ROR1: variants seen among roughly 807,000 people sequenced by gnomAD.
The protein encoded by ROR1 is inactive tyrosine-protein kinase transmembrane receptor ROR1.
In ROR1, 19 loss-of-function variants were observed where a neutral mutation model predicts 78.8. The observed-to-expected ratio is 0.24, with a 90% confidence interval of 0.17 to 0.35. The LOEUF (loss-of-function observed/expected upper bound fraction) is 0.35, where lower values mean the gene tolerates loss of function less well. Among genes scored for constraint, ROR1 ranks in the 10% least tolerant of loss-of-function variants. The pLI is 1.00. For synonymous variants in ROR1, 386 were observed against 433.6 expected, an observed-to-expected ratio of 0.89 and a Z score of 1.36; for missense variants, 917 against 1,177.8, an observed-to-expected ratio of 0.78 and a Z score of 3.24.
chr1:63,873,316 A>G (rs527842845), intron 1 of ROR1, among the ~76,000 whole-genome samples: 67 of 152,306 alleles, frequency 4.4e-4, no homozygotes, highest in African/African-American at 1.6e-3. Context: ...TAAACTATAG[A>G]GTAAGAATTT....
rs538283467 is a variant in ROR1, at chr1:64,172,914, A to G, written c.1387-4514A>G. ...AACAAGTTTAGCCTAAAGGGTTTGTATAATGTAAACCATCTGTTCCTCAAC... is the reference window on the plus strand; with the variant it reads ...AACAAGTTTAGCCTAAAGGGTTTGTGTAATGTAAACCATCTGTTCCTCAAC... On this transcript the variant is annotated intron_variant, in intron 8 of 8. Coordinates refer to ENST00000371079, the MANE Select transcript of ROR1 (RefSeq NM_005012.4). 7.0e-3 allele frequency among the ~76,000 whole-genome samples: 1,061 copies of G among 152,332 alleles called. 7 individuals are homozygous for G. The highest frequency in any genetic ancestry group is 0.012 in the Non-Finnish European group (783 of 68,028).
intron 1 of ROR1, among the ~76,000 whole-genome samples, chr1:63,852,236 G>A (rs184731713): frequency 4.3e-4 from 66 of 152,352 alleles, no homozygotes; most frequent in African/African-American, 1.6e-3. Context: ...CAGTGGTGCT[G>A]CCTGGACTCA....
chr1:64,140,450 T>C (rs1173006275), intron 6 of ROR1, 24 bp downstream of exon 6: 1 of 1,606,032 alleles, frequency 6.2e-7, no homozygotes, highest in East Asian at 2.2e-5. Flanking sequence ...CCTGACCTTC[T>C]GTGCTCTTCT....
intron 1 of ROR1, among the ~76,000 whole-genome samples, chr1:63,991,277 G>A (rs1426018176): frequency 6.6e-6 from 1 of 152,052 alleles, no homozygotes; most frequent in Non-Finnish European, 1.5e-5. Flanking sequence ...GTAAAGGACT[G>A]GTAGATTTAC....
chr1:63,845,531 C>G (rs1645075479), intron 1 of ROR1, among the ~76,000 whole-genome samples: 1 of 152,144 alleles, frequency 6.6e-6, no homozygotes, highest in Non-Finnish European at 1.5e-5. Context: ...TATCACTCAT[C>G]TGGCAATCTG....
At chr1:63,819,119 G>C (rs1014789433) in intron 1 of ROR1, among the ~76,000 whole-genome samples, 1 of 152,116 alleles carries the variant, frequency 6.6e-6, no homozygotes, top group African/African-American at 2.4e-5. Flanking sequence ...GAGATGTTCT[G>C]CTCTCCCCAG....
chr1:64,043,885 T>C (rs1481948881), intron 2 of ROR1, among the ~76,000 whole-genome samples: 2 of 152,198 alleles, frequency 1.3e-5, no homozygotes, highest in Non-Finnish European at 2.9e-5. Context: ...CAAGTTTAAA[T>C]TAAAGTGTGT....
intron 4 of ROR1, chr1:64,112,033 A>C (rs1648119103): frequency 6.6e-6 from 1 of 152,180 alleles, no homozygotes; most frequent in Non-Finnish European, 1.5e-5. Context: ...ATGCCAGCCC[A>C]GAGCGTTGGG....
chr1:63,776,077 G>C (rs1406340509), intron 1 of ROR1, among the ~76,000 whole-genome samples: 1 of 152,256 alleles, frequency 6.6e-6, no homozygotes, highest in East Asian at 1.9e-4. Flanking sequence ...GCAAATTGAG[G>C]TGGAGATAAG....
intron 1 of ROR1, among the ~76,000 whole-genome samples, chr1:63,901,813 G>T (rs1184511680): frequency 2.6e-5 from 4 of 152,024 alleles, no homozygotes; most frequent in Non-Finnish European, 4.4e-5. Context: ...TGGAGATTGT[G>T]CTAGCTAGTG....
chr1:64,071,357 GA>G (rs1647002406), intron 4 of ROR1, among the ~76,000 whole-genome samples: 1 of 152,192 alleles, frequency 6.6e-6, no homozygotes, highest in African/African-American at 2.4e-5. Context: ...GTCTAGATGT[GA>G]AAATAGGTGG....
At chr1:63,847,625 G>C (rs1263160462) in intron 1 of ROR1, among the ~76,000 whole-genome samples, 1 of 152,040 alleles carries the variant, frequency 6.6e-6, no homozygotes, top group Non-Finnish European at 1.5e-5. Flanking sequence ...GGCTGGGTCG[G>C]TAAAACCCAC....
chr1:64,168,720 C>T (rs1022469480), intron 8 of ROR1, among the ~76,000 whole-genome samples: 3 of 152,134 alleles, frequency 2.0e-5, no homozygotes, highest in African/African-American at 7.2e-5. Context: ...TTTTTCTCTA[C>T]CTGATATTTC....
At chr1:64,136,904 C>A (rs1649131102) in intron 4 of ROR1, among the ~76,000 whole-genome samples, 1 of 152,078 alleles carries the variant, frequency 6.6e-6, no homozygotes, top group Admixed American at 6.6e-5. Context: ...GGGTTTCTTT[C>A]CAGCTGCACC....
chr1:64,054,412 G>A (rs1210533092), intron 4 of ROR1, among the ~76,000 whole-genome samples: 1 of 152,142 alleles, frequency 6.6e-6, no homozygotes, highest in East Asian at 1.9e-4. Flanking sequence ...GAGTAGCTGG[G>A]ACTACAGGTG....
chr1:63,786,256 ATTTTTTTTTTTTTTTT>A (rs34933492), intron 1 of ROR1, among the ~76,000 whole-genome samples: 153 of 67,504 alleles, frequency 2.3e-3, no homozygotes, highest in African/African-American at 5.6e-3. Flanking sequence ...CTACAACTTG[ATTTTTTTTTTTTTTTT>A]TTTTTTTTTT....
intron 8 of ROR1, among the ~76,000 whole-genome samples, chr1:64,172,200 T>G (rs1293148343): frequency 6.6e-6 from 1 of 152,222 alleles, no homozygotes; most frequent in Non-Finnish European, 1.5e-5. Flanking sequence ...AGTATCAGCC[T>G]GGTCTCTCTT....
chr1:63,832,829 A>G (rs1372425660), intron 1 of ROR1, among the ~76,000 whole-genome samples: 1 of 152,230 alleles, frequency 6.6e-6, no homozygotes, highest in South Asian at 2.1e-4. Context: ...AGTGAGATGC[A>G]TGGCAATATA....
chr1:63,828,661 A>G (rs543118658), intron 1 of ROR1, among the ~76,000 whole-genome samples: 66 of 152,230 alleles, frequency 4.3e-4, no homozygotes, highest in Non-Finnish European at 7.8e-4. Flanking sequence ...CAGCATATTT[A>G]AACCTAAGCA....
Sources: gnomAD v4.1 joint callset for allele counts (sites outside exome capture counted in the v4.1 genomes callset) on GRCh38, gnomAD v4.1.1 for gene constraint, MANE v1.5 for transcripts, NCBI Gene and HGNC (gene_info 2026-07-23, HGNC 2026-07-21) for gene names.